LRRC75A: variants seen among roughly 807,000 people sequenced by gnomAD.
LRRC75A encodes the protein leucine rich repeat containing 75A.
In LRRC75A, 12 loss-of-function variants were observed where a neutral mutation model predicts 26.0. The observed-to-expected ratio is 0.46, with a 90% CI of 0.30 to 0.75. The LOEUF (loss-of-function observed/expected upper bound fraction) is 0.75, where lower values mean the gene tolerates loss of function less well. Among genes scored for constraint, LRRC75A ranks in the 30% least tolerant of loss-of-function variants. The pLI is 0.08. For missense variants in LRRC75A, 410 were observed against 486.6 expected (o/e 0.84, Z 1.48); for synonymous variants, 223 against 219.3 (o/e 1.02, Z -0.15).
intron 1 of LRRC75A, among the ~76,000 whole-genome samples, chr17:16,469,538 G>A (rs56347175): frequency 0.031 from 4,737 of 152,254 alleles, 230 homozygotes; most frequent in African/African-American, 0.11. Flanking sequence ...TCCCCATGAC[G>A]GCCTCCTTGG....
At chr17:16,480,553 C>CA (rs1227027507) in intron 1 of LRRC75A, among the ~76,000 whole-genome samples, 1 of 146,486 alleles carries the variant, frequency 6.8e-6, no homozygotes, top group Non-Finnish European at 1.5e-5. Context: ...CACTTGAACC[C>CA]AGGAGGTGGA....
At chr17:16,446,107 C>G (rs1394071387) in intron 3 of LRRC75A, among the ~76,000 whole-genome samples, 1 of 152,176 alleles carries the variant, frequency 6.6e-6, no homozygotes, top group Non-Finnish European at 1.5e-5. Flanking sequence ...CAGGGTTTCA[C>G]TATGTTAGCC....
chr17:16,482,769 T>C (rs1024251516), intron 1 of LRRC75A, among the ~76,000 whole-genome samples: 1 of 152,212 alleles, frequency 6.6e-6, no homozygotes, highest in Non-Finnish European at 1.5e-5. Context: ...TGAGCCCTTC[T>C]AGAAATTAGC....
At chr17:16,476,703 T>C (rs959862744) in intron 1 of LRRC75A, among the ~76,000 whole-genome samples, 8 of 150,268 alleles carry the variant, frequency 5.3e-5, no homozygotes, top group Non-Finnish European at 1.0e-4. Context: ...GTAGCTGAGA[T>C]TACAGGTGCC....
At chr17:16,490,597 C>T (rs1338171056) in intron 1 of LRRC75A, among the ~76,000 whole-genome samples, 2 of 152,042 alleles carry the variant, frequency 1.3e-5, no homozygotes. Flanking sequence ...AGGGTAAGAG[C>T]GCACCAGATA....
In LRRC75A at chr17:16,442,731, C is replaced by G. The variant is rs2093542712; in HGVS notation, c.*857G>C. 6.6e-6 allele frequency: 1 copy of G among 152,130 alleles called. No homozygotes were observed. The highest frequency in any genetic ancestry group is 2.4e-5 in the African/African-American group (1 of 41,416). The allele number at this position is 152,130 out of a possible 1,614,324, so 9.4% of individuals were successfully genotyped here. ...AGTTATGGGGAAAGAGTTCTTACGG[C>G]CTGTCTAGGTCAGTGAAGTCATACT... On this transcript the variant is annotated 3_prime_UTR_variant, in exon 4 of 4. Transcript: ENST00000470794.
In LRRC75A at chr17:16,482,829, A is replaced by C. The variant is rs114284357; in HGVS notation, c.246+8916T>G. 2.7e-3 allele frequency among the ~76,000 whole-genome samples: 413 copies of C among 152,344 alleles called. 4 individuals carry two copies. Among genetic ancestry groups the C allele is most frequent in the African/African-American group, 9.7e-3 (403 of 41,580 alleles). ...ACTTGTCCCAACTGGTGCCAGCTCCACTTAGGTGCCCAGGGACGTATGCTG... is the reference window on the plus strand; with the variant it reads ...ACTTGTCCCAACTGGTGCCAGCTCCCCTTAGGTGCCCAGGGACGTATGCTG... On this transcript the variant is annotated intron_variant, in intron 1 of 3. Transcript: ENST00000470794.
intron 3 of LRRC75A, among the ~76,000 whole-genome samples, chr17:16,446,303 T>C (rs1347330945): frequency 6.6e-6 from 1 of 152,152 alleles, no homozygotes; most frequent in Admixed American, 6.5e-5. Context: ...ATGGACAAAA[T>C]CCCTGTTCTT....
chr17:16,491,882 C>T lies in LRRC75A; in HGVS notation c.109G>A (p.Ala37Thr). 5.1e-6 allele frequency: 7 copies of T among 1,360,496 alleles called. No homozygotes were observed. The highest frequency in any genetic ancestry group is 5.7e-6 in the Non-Finnish European group (6 of 1,053,544). The allele number at this position is 1,360,496 out of a possible 1,614,324, so 84.3% of individuals were successfully genotyped here. A position where few individuals can be genotyped will look rare whatever the true frequency, so the allele number is the denominator to read the frequency against. Reference protein sequence around the residue: ...PDFWASLLLRAGDKAGRAGAG... With the variant: ...PDFWASLLLRTGDKAGRAGAG... ...CCCGCGCGCCCCGCCTTGTCCCCGGCGCGCAGCAGCAGCGACGCCCAGAAG... is the reference window on the plus strand; with the variant it reads ...CCCGCGCGCCCCGCCTTGTCCCCGGTGCGCAGCAGCAGCGACGCCCAGAAG... Residue 37 changes from alanine (A) to threonine (T), a missense_variant, in exon 1 of 4, where the codon GCC (alanine) becomes ACC (threonine). Ala to Thr is a moderately conservative substitution (Grantham distance 58). Transcript: ENST00000470794. The surrounding 1 kb of genome is among the most constrained non-coding windows in gnomAD (Gnocchi z 5.9).
chr17:16,481,619 C>A (rs569262762), intron 1 of LRRC75A, among the ~76,000 whole-genome samples: 1 of 152,210 alleles, frequency 6.6e-6, no homozygotes, highest in African/African-American at 2.4e-5. Flanking sequence ...CCCCCTGCCT[C>A]CCCCATGATG....
At position 16,441,590 on chromosome 17, in the gene LRRC75A, T is replaced by G. The variant is rs1881366930; in HGVS notation, c.*1998A>C. 1 of 359,164 alleles carries G rather than the reference T, an allele frequency of 2.8e-6. No homozygotes were observed. Among genetic ancestry groups the G allele is most frequent in the Admixed American group, 3.7e-5 (1 of 26,708 alleles). The allele number at this position is 359,164 out of a possible 1,614,324, so 22.2% of individuals were successfully genotyped here. On this transcript the variant is annotated 3_prime_UTR_variant, in exon 4 of 4. Coordinates refer to ENST00000470794, the MANE Select transcript of LRRC75A (RefSeq NM_001113567.3). ...AGTTTTTTTGGGTTTTTTTTTTTTT[T>G]TTTGAGACAGTCTTGCTGTATTGCC...
In LRRC75A at chr17:16,442,596, C is replaced by T. The variant is rs1459091780; in HGVS notation, c.*992G>A. 6.6e-6 allele frequency: 1 copy of T among 152,272 alleles called. No individual in the cohort carries two copies. The highest frequency in any genetic ancestry group is 2.4e-5 in the African/African-American group (1 of 41,452). 9.4% of individuals were successfully genotyped at this position (152,272 alleles called of 1,614,324 possible). On this transcript the variant is annotated 3_prime_UTR_variant, in exon 4 of 4. Transcript: ENST00000470794. ...TTTGTTTCTCCCTCTCCCCAGCCAT[C>T]TTGTTGGATCTGCCAAGGGATTGGA...
intron 2 of LRRC75A, chr17:16,448,385 A>G (rs935227299): frequency 1.4e-5 from 3 of 212,638 alleles, no homozygotes; most frequent in African/African-American, 7.0e-5. Flanking sequence ...GGATATGGCC[A>G]TGAACAAATG....
rs565754361 is a variant in LRRC75A, at chr17:16,462,300, G to T, written c.333C>A (p.Asp111Glu). 1.2e-6 allele frequency: 2 copies of T among 1,614,188 alleles called. No individual in the cohort carries two copies. The highest frequency in any genetic ancestry group is 2.2e-5 in the East Asian group (1 of 44,884). Residue 111 changes from aspartate (D) to glutamate (E), a missense_variant, in exon 2 of 4, where the codon GAC becomes GAA. By Grantham distance (45) the Asp-to-Glu change is conservative. Transcript: ENST00000470794. This position sits in a 1 kb window ranked among gnomAD's most constrained non-coding sequence, Gnocchi z 4.6. ...TGTAGCGTGCCAGGCTGATGATGAG[G>T]TCGTGTGTGATGGGGTCCACCAGGT... The part of the protein sequence containing the change: ...FRNLVDPITH[D>E]LIISLARYIH...
rs1480379644 is a variant in LRRC75A, at chr17:16,488,317, C to G, written c.246+3428G>C. Among the ~76,000 whole-genome samples, 5 of 152,216 alleles carry G rather than the reference C, an allele frequency of 3.3e-5. No homozygotes were observed. In the South Asian group the frequency reaches 1.0e-3, roughly 32 times the overall value. On this transcript the variant is annotated intron_variant, in intron 1 of 3. Coordinates refer to ENST00000470794, the MANE Select transcript of LRRC75A (RefSeq NM_001113567.3). ...TCTCCACGAGCATTCGCTCCAGATGCTTCTAAATGTGCAGTGAGTTTTTGA... is the reference window on the plus strand; with the variant it reads ...TCTCCACGAGCATTCGCTCCAGATGGTTCTAAATGTGCAGTGAGTTTTTGA...
chr17:16,476,459 G>A (rs1001393680), intron 1 of LRRC75A, among the ~76,000 whole-genome samples: 4 of 151,648 alleles, frequency 2.6e-5, no homozygotes, highest in East Asian at 3.9e-4. Flanking sequence ...CAATCCTCCC[G>A]CTGTGGCCTC....
intron 2 of LRRC75A, among the ~76,000 whole-genome samples, chr17:16,456,553 C>T (rs1269560992): frequency 6.6e-6 from 1 of 152,164 alleles, no homozygotes; most frequent in Non-Finnish European, 1.5e-5. Flanking sequence ...CCTCCAGTGG[C>T]TGGAACCCTG....
rs184406564 is a variant in LRRC75A, at chr17:16,454,648, G to A, written c.376-6688C>T. On this transcript the variant is annotated intron_variant, in intron 2 of 3. Transcript: ENST00000470794. Reference sequence around the variant, plus strand: ...AGAGGTTGAGGTGGGCCGAGATCACGCCACTGCACTCCAGCCCGGGCAACA... The same window carrying A: ...AGAGGTTGAGGTGGGCCGAGATCACACCACTGCACTCCAGCCCGGGCAACA... Among the ~76,000 whole-genome samples, 965 of 152,154 alleles carry A rather than the reference G, an allele frequency of 6.3e-3. 7 individuals carry two copies. Among genetic ancestry groups the A allele is most frequent in the African/African-American group, 0.022 (913 of 41,494 alleles).
intron 2 of LRRC75A, among the ~76,000 whole-genome samples, chr17:16,454,420 G>A (rs2093660046): frequency 6.7e-6 from 1 of 150,302 alleles, no homozygotes; most frequent in Non-Finnish European, 1.5e-5. Context: ...GGCCAGGCGT[G>A]GTGGCTCATG....
Sources: allele counts gnomAD v4.1 joint callset (sites outside exome capture counted in the v4.1 genomes callset), GRCh38; gene constraint gnomAD v4.1.1; non-coding constraint Gnocchi (gnomAD v3.1); transcripts MANE v1.5; gene names NCBI Gene and HGNC (gene_info 2026-07-23, HGNC 2026-07-21).